STK3: variants seen among roughly 807,000 people sequenced by gnomAD.
STK3 encodes the protein serine/threonine kinase 3.
Under a neutral mutation model 58.0 loss-of-function variants are expected in STK3, and 41 were observed. That is an observed-to-expected ratio of 0.71 (90% CI 0.55 to 0.92). STK3 has a LOEUF of 0.92. STK3 is among the 40% of genes least tolerant of loss of function. The pLI is 0.00. For synonymous variants in STK3, 170 were observed against 191.0 expected, an observed-to-expected ratio of 0.89 and a Z score of 0.91; for missense variants, 479 against 602.7, an observed-to-expected ratio of 0.79 and a Z score of 2.15.
chr8:98,770,445 T>G (rs1831235962), intron 2 of STK3, among the ~76,000 whole-genome samples: 4 of 152,192 alleles, frequency 2.6e-5, no homozygotes, highest in Admixed American at 2.6e-4. Context: ...CTGATATGGA[T>G]GCAAGACCAG....
At chr8:98,749,233 A>T in intron 4 of STK3, 43 bp downstream of exon 4, 1 of 1,362,986 alleles carries the variant, frequency 7.3e-7, no homozygotes, top group Non-Finnish European at 1.0e-6. Flanking sequence ...TAAAATATCA[A>T]TCTTTAGAAA....
intron 7 of STK3, among the ~76,000 whole-genome samples, chr8:98,584,545 G>A (rs1391960745): frequency 6.6e-6 from 1 of 151,612 alleles, no homozygotes; most frequent in African/African-American, 2.4e-5. Context: ...TGTGAATAAT[G>A]CCGCAATAAA....
In STK3 at chr8:98,825,207, G is replaced by A. The variant is rs1835169531; in HGVS notation, c.26+308C>T. On this transcript the variant is annotated intron_variant, in intron 1 of 10. Coordinates refer to ENST00000419617, the MANE Select transcript of STK3 (RefSeq NM_006281.4). ...GCACATCCACAATGTTTTACAGACT[G>A]TGTAGCTATTAATATTTAATTCCTC... Among the ~76,000 whole-genome samples, 4 of 152,342 alleles carry A rather than the reference G, an allele frequency of 2.6e-5. No homozygotes were observed. In the South Asian group the frequency reaches 8.3e-4, roughly 32 times the overall value.
intron 10 of STK3, among the ~76,000 whole-genome samples, chr8:98,468,038 A>G (rs1820620288): frequency 6.6e-6 from 1 of 152,246 alleles, no homozygotes. Flanking sequence ...AGATTGTAAT[A>G]GATAATTTTT....
chr8:98,548,759 C>A (rs1673494247), intron 8 of STK3, among the ~76,000 whole-genome samples: 1 of 152,102 alleles, frequency 6.6e-6, no homozygotes, highest in Non-Finnish European at 1.5e-5. Context: ...ATTGTACTTA[C>A]AAGAGGTATC....
At chr8:98,612,753 A>G (rs996866426) in intron 6 of STK3, among the ~76,000 whole-genome samples, 6 of 152,130 alleles carry the variant, frequency 3.9e-5, no homozygotes, top group African/African-American at 1.4e-4. Flanking sequence ...CACAGAAAAA[A>G]CTGTAGTCCC....
chr8:98,850,464 T>C (rs538376116), intron 3 of STK3, among the ~76,000 whole-genome samples: 1 of 152,210 alleles, frequency 6.6e-6, no homozygotes, highest in East Asian at 1.9e-4. Flanking sequence ...TAAGATGATA[T>C]GATTAAGGTA....
chr8:98,453,170 C>T (rs1471924046), downstream of STK3, among the ~76,000 whole-genome samples: 7 of 103,118 alleles, frequency 6.8e-5, 2 homozygotes, highest in African/African-American at 2.8e-4. Context: ...CCACTGCAAC[C>T]TTCTGCCTCC....
At chr8:98,563,425 G>C (rs980108097) in intron 8 of STK3, among the ~76,000 whole-genome samples, 4 of 151,908 alleles carry the variant, frequency 2.6e-5, no homozygotes, top group Non-Finnish European at 5.9e-5. Context: ...ACACACACAC[G>C]TGCCTACATA....
chr8:98,903,492 T>C (rs985011599), intron 1 of STK3, among the ~76,000 whole-genome samples: 2 of 24,502 alleles, frequency 8.2e-5, no homozygotes, highest in Admixed American at 6.0e-4. Context: ...AGGAAGTTCT[T>C]CTTCTTCTTC....
chr8:98,916,840 A>AAAAAC (rs544805458), intron 1 of STK3, among the ~76,000 whole-genome samples: 16 of 152,328 alleles, frequency 1.1e-4, no homozygotes, highest in East Asian at 9.6e-4. Flanking sequence ...CAAAGTAATT[A>AAAAAC]AAAACAAAAC....
chr8:98,703,398 C>A (rs541211261), intron 6 of STK3, among the ~76,000 whole-genome samples: 1 of 151,076 alleles, frequency 6.6e-6, no homozygotes, highest in South Asian at 2.1e-4. Context: ...TACTACAGTA[C>A]AAAAAAAAAT....
chr8:98,777,448 T>C (rs1204741315), intron 1 of STK3, among the ~76,000 whole-genome samples: 1 of 152,030 alleles, frequency 6.6e-6, no homozygotes, highest in Non-Finnish European at 1.5e-5. Context: ...AGATGGAGGT[T>C]GCAGTGAGCC....
intron 10 of STK3, among the ~76,000 whole-genome samples, chr8:98,485,430 A>G (rs2131297997): frequency 6.6e-6 from 1 of 152,266 alleles, no homozygotes; most frequent in East Asian, 1.9e-4. Flanking sequence ...TCTAGAAAAT[A>G]GTCAGCAGAA....
Position 98,455,934 on chromosome 8 carries a change from C to T in STK3, c.1384G>A (p.Glu462Lys). The change falls in exon 11 of 11, where the codon GAG becomes AAG. Residue 462 changes from glutamate (E) to lysine (K), a missense_variant. By Grantham distance (56) the Glu-to-Lys change is moderately conservative. Transcript: ENST00000419617. ...TATCTCTGACGAAGTTCTTCTATCT[C>T]CCGTTCCATCATGGGGTCCAGTGCT... ...LKALDPMMER[E>K]IEELRQRYTA... 1 of 1,613,414 alleles carries T rather than the reference C, an allele frequency of 6.2e-7. No individual in the cohort carries two copies. The highest frequency in any genetic ancestry group is 8.5e-7 in the Non-Finnish European group (1 of 1,179,694).
intron 3 of STK3, among the ~76,000 whole-genome samples, chr8:98,858,246 G>T (rs1836753391): frequency 7.1e-6 from 1 of 140,994 alleles, no homozygotes; most frequent in Non-Finnish European, 1.5e-5. Context: ...GCCGGATGTG[G>T]TGGCATGCAC....
At chr8:98,396,933 T>C (rs745906272), downstream of STK3, among the ~76,000 whole-genome samples, 11 of 152,240 alleles carry the variant, frequency 7.2e-5, no homozygotes, top group Admixed American at 1.3e-4. Flanking sequence ...CTAAGTTCTT[T>C]GTGAATATTA....
chr8:98,532,601 C>T (rs1409877755), intron 9 of STK3, among the ~76,000 whole-genome samples: 3 of 152,112 alleles, frequency 2.0e-5, no homozygotes, highest in African/African-American at 4.8e-5. Context: ...AAGGTTGCCA[C>T]AAACCTTCAA....
intron 4 of STK3, among the ~76,000 whole-genome samples, chr8:98,713,396 A>T (rs1352623068): frequency 6.6e-6 from 1 of 152,154 alleles, no homozygotes; most frequent in African/African-American, 2.4e-5. Context: ...AGACTAATAG[A>T]AAAGAGAGAA....
Sources: gnomAD v4.1 joint callset for allele counts (sites outside exome capture counted in the v4.1 genomes callset) on GRCh38, gnomAD v4.1.1 for gene constraint, MANE v1.5 for transcripts, NCBI Gene and HGNC (gene_info 2026-07-23, HGNC 2026-07-21) for gene names.